Variants in TLE4 observed in about 807,000 individuals in gnomAD.
TLE4 encodes the protein TLE family member 4, transcriptional corepressor.
A neutral mutation model predicts 92.8 loss-of-function variants in TLE4; 8 were observed. The observed-to-expected ratio is 0.09, with a 90% confidence interval of 0.05 to 0.16. The LOEUF (loss-of-function observed/expected upper bound fraction) is 0.16, where lower values mean the gene tolerates loss of function less well. Ranked by LOEUF, TLE4 falls within the 10% of genes least tolerant of loss-of-function variation. TLE4 has a pLI of 1.00. For missense variants in TLE4, 675 were observed against 997.6 expected, an observed-to-expected ratio of 0.68 and a Z score of 4.36; for synonymous variants, 371 against 374.1, an observed-to-expected ratio of 0.99 and a Z score of 0.10.
At chr9:79,589,555 A>C (rs2042032448) in intron 4 of TLE4, among the ~76,000 whole-genome samples, 1 of 151,874 alleles carries the variant, frequency 6.6e-6, no homozygotes, top group South Asian at 2.1e-4. Context: ...GGCAGAAGAC[A>C]TTTTCAGTGG....
At position 79,633,340 on chromosome 9, in the gene TLE4, A is replaced by G. The variant is rs75837409; in HGVS notation, c.390+5892A>G. Among the ~76,000 whole-genome samples, 186 of 152,308 alleles carry G rather than the reference A, an allele frequency of 1.2e-3. 6 individuals carry two copies. In the East Asian group the frequency reaches 0.034, roughly 28 times the overall value. On this transcript the variant is annotated intron_variant, in intron 6 of 19. Coordinates refer to ENST00000376552, the MANE Select transcript of TLE4 (RefSeq NM_007005.6). ...GGAAGAAATTTCTAGAAGCCAGTCT[A>G]TCAATCCTCTCACCTCCAAAACTGG... is the stretch of plus-strand genomic sequence containing the variant.
chr9:79,621,708 G>T (rs1194979866), intron 5 of TLE4, among the ~76,000 whole-genome samples: 1 of 152,108 alleles, frequency 6.6e-6, no homozygotes, highest in Non-Finnish European at 1.5e-5. Flanking sequence ...AGAAATTTGC[G>T]TGCTTTTGGT....
chr9:79,696,149 T>TAAAA (rs376936426), intron 8 of TLE4, among the ~76,000 whole-genome samples: 1 of 151,938 alleles, frequency 6.6e-6, no homozygotes, highest in Non-Finnish European at 1.5e-5. Flanking sequence ...CAGTTAGTAC[T>TAAAA]AAAAAAAATG....
In TLE4 at chr9:79,708,590, C is replaced by T; in HGVS notation, c.1070-3C>T. The T allele has an allele frequency of 6.2e-7, 1 of 1,604,718 alleles. No individual in the cohort carries two copies. Among genetic ancestry groups the T allele is most frequent in the Non-Finnish European group, 8.5e-7 (1 of 1,174,904 alleles). ...TTTTTCTTCCATCCATTTTGGTTTG[C>T]AGCCTCAAGCCTAAGGACCCCAATG... On this transcript the variant is annotated splice_region_variant and splice_polypyrimidine_tract_variant and intron_variant, in intron 12 of 19. Transcript: ENST00000376552.
chr9:79,678,484 C>CT (rs1170687592), intron 8 of TLE4, among the ~76,000 whole-genome samples: 1 of 151,724 alleles, frequency 6.6e-6, no homozygotes, highest in African/African-American at 2.4e-5. Context: ...TTGGTAATAA[C>CT]TATCATTTAT....
At chr9:79,621,039 T>C (rs1473662082) in intron 5 of TLE4, among the ~76,000 whole-genome samples, 1 of 152,178 alleles carries the variant, frequency 6.6e-6, no homozygotes, top group Admixed American at 6.5e-5. Context: ...CATTGGGAAT[T>C]ACAATTCAAT....
chr9:79,667,555 C>T (rs1423501187), intron 8 of TLE4, among the ~76,000 whole-genome samples: 1 of 152,090 alleles, frequency 6.6e-6, no homozygotes, highest in East Asian at 1.9e-4. Flanking sequence ...CTAGGAACAG[C>T]TGCTTTGACA....
intron 1 of TLE4, chr9:79,573,456 C>T: frequency 4.6e-6 from 5 of 1,096,128 alleles, no homozygotes; most frequent in Non-Finnish European, 5.8e-6. Context: ...CCCTCGGGGT[C>T]CGGGGCGCGG....
At chr9:79,685,062 C>T (rs1023389295) in intron 8 of TLE4, among the ~76,000 whole-genome samples, 4 of 152,140 alleles carry the variant, frequency 2.6e-5, no homozygotes, top group African/African-American at 7.2e-5. Flanking sequence ...CTCATAGCTG[C>T]ACTAGAACCG....
chr9:79,680,781 A>G (rs2064368722), intron 8 of TLE4, among the ~76,000 whole-genome samples: 2 of 152,290 alleles, frequency 1.3e-5, no homozygotes, highest in Admixed American at 6.5e-5. Flanking sequence ...GATAGCTTTT[A>G]TTATTTTGAG....
chr9:79,652,099 T>TTTC (rs199871288), intron 6 of TLE4, among the ~76,000 whole-genome samples: 80,791 of 151,476 alleles, frequency 0.53, 23,831 homozygotes, highest in East Asian at 0.73. Flanking sequence ...AAAGGTAGCA[T>TTTC]TTATTGACTA....
rs540834342 is a variant in TLE4, at chr9:79,598,015, G to A, written c.253-14641G>A. 1.6e-4 allele frequency among the ~76,000 whole-genome samples: 24 copies of A among 148,260 alleles called. No homozygotes were observed. In the East Asian group the frequency reaches 4.0e-3, roughly 25 times the overall value. On this transcript the variant is annotated intron_variant, in intron 4 of 19. Coordinates refer to ENST00000376552, the MANE Select transcript of TLE4 (RefSeq NM_007005.6). ...TGGGAGGCTGAGGCAGGCGGATCAC[G>A]AGGTCAGGAGATCGAGACTATCCTG...
intron 6 of TLE4, among the ~76,000 whole-genome samples, chr9:79,633,884 G>A (rs898924498): frequency 6.6e-6 from 1 of 152,150 alleles, no homozygotes; most frequent in Non-Finnish European, 1.5e-5. Flanking sequence ...CACCAAACAG[G>A]CAACTAAAGG....
chr9:79,705,773 C>A, intron 9 of TLE4, 116 bp from the exon 10 acceptor site: 2 of 1,014,560 alleles, frequency 2.0e-6, no homozygotes, highest in Non-Finnish European at 1.6e-6. Context: ...AAGTATTTAA[C>A]ACTGTTTGGT....
chr9:79,642,122 A>C (rs2057275711), intron 6 of TLE4, among the ~76,000 whole-genome samples: 2 of 152,104 alleles, frequency 1.3e-5, no homozygotes, highest in Non-Finnish European at 2.9e-5. Context: ...TTGGAAAGCA[A>C]GTCTCCTAGA....
intron 14 of TLE4, chr9:79,717,871 G>A (rs2074858622): frequency 4.8e-6 from 2 of 416,730 alleles, no homozygotes; most frequent in South Asian, 3.5e-5. Flanking sequence ...CCTGCCACTG[G>A]CGTCTTCTGC....
intron 2 of TLE4, chr9:79,574,053 T>G (rs1292062930): frequency 3.9e-6 from 1 of 256,840 alleles, no homozygotes; most frequent in African/African-American, 2.2e-5. Flanking sequence ...ACTTTCGATA[T>G]TGATTTATTG....
At chr9:79,656,264 T>C (rs545833343) in intron 8 of TLE4, among the ~76,000 whole-genome samples, 1 of 152,310 alleles carries the variant, frequency 6.6e-6, no homozygotes, top group African/African-American at 2.4e-5. Context: ...AGAGGGGCTT[T>C]TTATGATTGT....
At chr9:79,592,694 C>T (rs773427237) in intron 4 of TLE4, among the ~76,000 whole-genome samples, 16 of 152,160 alleles carry the variant, frequency 1.1e-4, no homozygotes, top group Admixed American at 5.2e-4. Flanking sequence ...GGATTTTTAA[C>T]ATTAGAAGTA....
Sources: allele counts gnomAD v4.1 joint callset (sites outside exome capture counted in the v4.1 genomes callset), GRCh38; gene constraint gnomAD v4.1.1; transcripts MANE v1.5; gene names NCBI Gene and HGNC (gene_info 2026-07-23, HGNC 2026-07-21).